The following DDX54 variants were observed in gnomAD, a reference collection of about 807,000 sequenced individuals.
DDX54 encodes the protein ATP-dependent RNA helicase DDX54.
In DDX54, 67 loss-of-function variants were observed where a neutral mutation model predicts 105.5. The observed-to-expected ratio is 0.64, with a 90% confidence interval of 0.52 to 0.78. The LOEUF (loss-of-function observed/expected upper bound fraction) is 0.78, where lower values mean the gene tolerates loss of function less well. Among genes scored for constraint, DDX54 ranks in the 30% least tolerant of loss-of-function variants. The pLI, the probability that DDX54 is intolerant of heterozygous loss-of-function variation, is 0.00. For synonymous variants in DDX54, 514 were observed against 509.9 expected, an observed-to-expected ratio of 1.01 and a Z score of -0.11; for missense variants, 1,206 against 1,230.5, an observed-to-expected ratio of 0.98 and a Z score of 0.30.
chr12:113,172,766 TG>T (rs1952356210), intron 10 of DDX54, among the ~76,000 whole-genome samples: 5 of 152,342 alleles, frequency 3.3e-5, no homozygotes, highest in African/African-American at 1.2e-4. Context: ...CCCACCTCTC[TG>T]CAGGGTTGTC....
At chr12:113,164,678 C>T (rs1232583688) in intron 14 of DDX54, among the ~76,000 whole-genome samples, 1 of 151,836 alleles carries the variant, frequency 6.6e-6, no homozygotes, top group African/African-American at 2.4e-5. Flanking sequence ...TGCACCACTG[C>T]ACCCCAGCCT....
intron 12 of DDX54, among the ~76,000 whole-genome samples, chr12:113,169,422 G>A (rs534529624): frequency 6.6e-6 from 1 of 152,116 alleles, no homozygotes; most frequent in Non-Finnish European, 1.5e-5. Context: ...TTCGAGATCA[G>A]CCTGGCCAAC....
intron 7 of DDX54, among the ~76,000 whole-genome samples, chr12:113,175,932 G>T (rs1335362896): frequency 6.6e-6 from 1 of 152,048 alleles, no homozygotes; most frequent in Non-Finnish European, 1.5e-5. Flanking sequence ...CAAACTGGGT[G>T]ACAGAGCAAG....
intron 3 of DDX54, 29 bp from the exon 4 acceptor site, chr12:113,179,360 G>A (rs1952440256): frequency 6.2e-7 from 1 of 1,605,426 alleles, no homozygotes; most frequent in African/African-American, 1.3e-5. Context: ...GGAAGTCAAG[G>A]TCAGCTCCTC....
rs780478325 is a variant in DDX54, at chr12:113,158,873, G to T, written c.*4C>A. On this transcript the variant is annotated 3_prime_UTR_variant, in exon 20 of 20. Coordinates refer to ENST00000306014, the MANE Select transcript of DDX54 (RefSeq NM_024072.4). This position sits in a 1 kb window ranked among gnomAD's most constrained non-coding sequence, Gnocchi z 4.9. Reference sequence around the variant, plus strand: ...CAAGGAGCCACGGGGCTGGGTCCTGGTCCTCACATCCTCTTCCGCATCTTG... The same window carrying T: ...CAAGGAGCCACGGGGCTGGGTCCTGTTCCTCACATCCTCTTCCGCATCTTG... 2 of 1,592,064 alleles carry T rather than the reference G, an allele frequency of 1.3e-6. No individual in the cohort carries two copies. Among genetic ancestry groups the T allele is most frequent in the Admixed American group, 3.4e-5 (2 of 58,992 alleles).
intron 12 of DDX54, among the ~76,000 whole-genome samples, chr12:113,168,152 T>C (rs1349398585): frequency 6.6e-6 from 1 of 152,244 alleles, no homozygotes; most frequent in Non-Finnish European, 1.5e-5. Flanking sequence ...CTTTCTGCTA[T>C]GGTGTCTGCT....
chr12:113,183,302 G>C (rs1430542002), intron 1 of DDX54, among the ~76,000 whole-genome samples: 1 of 152,252 alleles, frequency 6.6e-6, no homozygotes, highest in Admixed American at 6.5e-5. Flanking sequence ...GCCGTGAGAA[G>C]CCCTTGGTCT....
intron 10 of DDX54, among the ~76,000 whole-genome samples, chr12:113,173,440 T>C (rs2136321542): frequency 6.6e-6 from 1 of 152,306 alleles, no homozygotes; most frequent in Non-Finnish European, 1.5e-5. Context: ...TTGTTAACTG[T>C]GTGTGGAGTA....
chr12:113,169,162 A>T (rs1160379842), intron 12 of DDX54, among the ~76,000 whole-genome samples: 1 of 152,150 alleles, frequency 6.6e-6, no homozygotes, highest in Non-Finnish European at 1.5e-5. Context: ...ACTGTTTCCC[A>T]GTAGATACCA....
intron 19 of DDX54, 140 bp from the exon 20 acceptor site, chr12:113,159,249 G>T: frequency 1.0e-6 from 1 of 974,302 alleles, no homozygotes. Flanking sequence ...TACACAGTAG[G>T]TGGCTAATAA....
Position 113,165,810 on chromosome 12 carries a change from G to C in DDX54, c.1637C>G (p.Pro546Arg). 5 of 1,603,798 alleles carry C rather than the reference G, an allele frequency of 3.1e-6. No individual in the cohort carries two copies. Among genetic ancestry groups the C allele is most frequent in the South Asian group, 2.2e-5 (2 of 90,172 alleles). The change falls in exon 13 of 20, where the codon CCC becomes CGC. Residue 546 changes from proline to arginine, a missense_variant. Pro to Arg is a moderately radical substitution (Grantham distance 103). This residue lies in a region of DDX54 where 961 missense variants were observed against 1,019.1 expected (regional missense o/e 0.94). Coordinates refer to ENST00000306014, the MANE Select transcript of DDX54 (RefSeq NM_024072.4). ...EMDLVGLGLH[P>R]LFSSRFEEEE... ...CTTGTAGAAGGACTCACTGAAGAGG[G>C]GGTGCAGGCCCAGCCCCACAAGGTC...
At chr12:113,184,642 T>C (rs563779577) in intron 1 of DDX54, among the ~76,000 whole-genome samples, 132 of 151,904 alleles carry the variant, frequency 8.7e-4, no homozygotes, top group Non-Finnish European at 1.5e-3. Context: ...CTGGGCAACA[T>C]AGGGAGACCC....
Position 113,157,667 on chromosome 12 carries a change from C to A in DDX54, c.*1210G>T. 1 of 1,551,538 alleles carries A rather than the reference C, an allele frequency of 6.4e-7. No homozygotes were observed. The highest frequency in any genetic ancestry group is 8.7e-7 in the Non-Finnish European group (1 of 1,146,926). On this transcript the variant is annotated 3_prime_UTR_variant, in exon 20 of 20. Coordinates refer to ENST00000306014, the MANE Select transcript of DDX54 (RefSeq NM_024072.4). ...GCCTGGGTCAGGCTGAGCCTGCAGC[C>A]CCTGCCTCCTAGCCCTGACACAGGT...
In DDX54 at chr12:113,177,762, A is replaced by G. The variant is rs192375883; in HGVS notation, c.615-669T>C. ...GAATGAGGCAGGAGACTGGATTCTG[A>G]TCCCAGCTCTACTATGGAATCATTG... On this transcript the variant is annotated intron_variant, in intron 5 of 19. Transcript: ENST00000306014. Among the ~76,000 whole-genome samples the G allele has an allele frequency of 6.6e-4, 101 of 152,282 alleles. 1 individual carries two copies. Among genetic ancestry groups the G allele is most frequent in the African/African-American group, 2.3e-3 (97 of 41,556 alleles).
At chr12:113,178,939 C>T in intron 5 of DDX54, 38 bp downstream of exon 5, 1 of 1,611,742 alleles carries the variant, frequency 6.2e-7, no homozygotes, top group Non-Finnish European at 8.5e-7. Context: ...GATGTGCCTG[C>T]ATGGTGGTGA....
chr12:113,174,502 A>G lies in DDX54; in HGVS notation c.1068+138T>C, dbSNP rs1349140563. 8 of 1,289,822 alleles carry G rather than the reference A, an allele frequency of 6.2e-6. No individual in the cohort carries two copies. The Admixed American group carries it at 2.4e-4, about 39-fold the overall frequency. 79.9% of individuals were successfully genotyped at this position (1,289,822 alleles called of 1,614,324 possible). A position where few individuals can be genotyped will look rare whatever the true frequency, so the allele number is the denominator to read the frequency against. ...GCTCCGTCTCAAAAAAATAAAAAAT[A>G]AAAATAAAAATGACCATCTTGAGCC... On this transcript the variant is annotated intron_variant, in intron 10 of 19. Transcript: ENST00000306014.
Position 113,169,882 on chromosome 12 carries a change from T to C in DDX54, c.1302A>G (p.Arg434=), listed in dbSNP as rs1478943295. 1 of 1,613,178 alleles carries C rather than the reference T, an allele frequency of 6.2e-7. No individual in the cohort carries two copies. The highest frequency in any genetic ancestry group is 8.5e-7 in the Non-Finnish European group (1 of 1,179,940). The change falls in exon 12 of 20, where the codon CGA becomes CGG. Residue 434 remains arginine, a synonymous_variant. Transcript: ENST00000306014. ...CCACCAAGGAGTAGGCTGTGCCACT[T>C]CGGCCAGCCCGAGCCACACGGCCTG... ...HRVGRVARAG[R]SGTAYSLVAP...
chr12:113,161,879 G>T lies in DDX54; in HGVS notation c.2300+14C>A, dbSNP rs746696121. ...CTCGGCCCCGCCCCTCCCCAGCCAC[G>T]CCCCTCAGGATACAGGTCTCGCTTG... On this transcript the variant is annotated intron_variant, in intron 18 of 19. Transcript: ENST00000306014. 3.3e-5 allele frequency: 47 copies of T among 1,415,152 alleles called. No homozygotes were observed. The highest frequency in any genetic ancestry group is 4.3e-5 in the Non-Finnish European group (46 of 1,059,594). The allele number at this position is 1,415,152 out of a possible 1,614,324, so 87.7% of individuals were successfully genotyped here.
chr12:113,157,748 C>T lies in DDX54; in HGVS notation c.*1129G>A. 7.9e-7 allele frequency: 1 copy of T among 1,266,440 alleles called. No individual in the cohort carries two copies. Among genetic ancestry groups the T allele is most frequent in the South Asian group, 1.3e-5 (1 of 78,462 alleles). The allele number at this position is 1,266,440 out of a possible 1,614,324, so 78.5% of individuals were successfully genotyped here. A position where few individuals can be genotyped will look rare whatever the true frequency, so the allele number is the denominator to read the frequency against. On this transcript the variant is annotated 3_prime_UTR_variant, in exon 20 of 20. Coordinates refer to ENST00000306014, the MANE Select transcript of DDX54 (RefSeq NM_024072.4). Reference sequence around the variant, plus strand: ...CCTGAGATAGGAGGGCCCACATTTCCAATGGGGTGTGGACTGAGTGGCTCT... The same window carrying T: ...CCTGAGATAGGAGGGCCCACATTTCTAATGGGGTGTGGACTGAGTGGCTCT...
Sources: gnomAD v4.1 joint callset for allele counts (sites outside exome capture counted in the v4.1 genomes callset) on GRCh38, gnomAD v4.1.1 for gene constraint, gnomAD v4.1.1 regional missense constraint, Gnocchi (gnomAD v3.1) non-coding constraint, MANE v1.5 for transcripts, NCBI Gene and HGNC (gene_info 2026-07-23, HGNC 2026-07-21) for gene names.